STMND1: variants seen among roughly 807,000 people sequenced by gnomAD.
STMND1 encodes the protein stathmin domain-containing protein 1.
Under a neutral mutation model 23.0 loss-of-function variants are expected in STMND1, and 17 were observed. That is an observed-to-expected ratio of 0.74 (90% CI 0.51 to 1.11). The LOEUF (loss-of-function observed/expected upper bound fraction) is 1.11. Among genes scored for constraint, STMND1 ranks in the 50% least tolerant of loss-of-function variants. The pLI is 0.00. For missense variants in STMND1, 305 were observed against 329.1 expected, an observed-to-expected ratio of 0.93 and a Z score of 0.57; for synonymous variants, 114 against 119.9, an observed-to-expected ratio of 0.95 and a Z score of 0.32.
chr6:17,123,068 A>G (rs1013703021), intron 3 of STMND1, among the ~76,000 whole-genome samples: 3 of 152,238 alleles, frequency 2.0e-5, no homozygotes, highest in Non-Finnish European at 2.9e-5. Context: ...TTCGATGTCT[A>G]CATACATACA....
At chr6:17,128,876 C>A (rs1761345470) in intron 3 of STMND1, 1 of 344,534 alleles carries the variant, frequency 2.9e-6, no homozygotes, top group Non-Finnish European at 5.5e-6. Context: ...CCATGCCTGG[C>A]TAATTTTTTG....
intron 3 of STMND1, among the ~76,000 whole-genome samples, chr6:17,124,629 C>T (rs1451013648): frequency 6.6e-6 from 1 of 152,142 alleles, no homozygotes; most frequent in Non-Finnish European, 1.5e-5. Flanking sequence ...TGGTGAATAC[C>T]ACAGTAATTC....
In STMND1 at chr6:17,120,745, C is replaced by A; in HGVS notation, c.398C>A (p.Ser133Ter). Residue 133 changes from serine (S) to a stop codon, truncating the protein, a stop_gained, in exon 3 of 5, where the codon TCA (serine) becomes TAA (stop). Transcript: ENST00000536551. LOFTEE classifies it high-confidence loss of function. The stretch of plus-strand genomic sequence containing the variant: ...AGCAAAGTATTTAGAAATGGAGAAT[C>A]ATATGATGTCACGGCAAGTAATTTT... ...SHSKVFRNGE[S>*]YDVTLTTTEK... is the part of the protein sequence containing the mutation. 6.6e-7 allele frequency: 1 copy of A among 1,526,410 alleles called. No homozygotes were observed. Among genetic ancestry groups the A allele is most frequent in the South Asian group, 1.2e-5 (1 of 82,592 alleles). The allele number at this position is 1,526,410 out of a possible 1,614,324, so 94.6% of individuals were successfully genotyped here.
At chr6:17,130,083 G>A (rs1761367510) in intron 4 of STMND1, among the ~76,000 whole-genome samples, 2 of 152,254 alleles carry the variant, frequency 1.3e-5, no homozygotes, top group South Asian at 4.1e-4. Context: ...AAGGAATAAA[G>A]CAGGTTGGGT....
At chr6:17,118,314 G>A (rs991427961) in intron 2 of STMND1, among the ~76,000 whole-genome samples, 2 of 152,068 alleles carry the variant, frequency 1.3e-5, no homozygotes, top group African/African-American at 4.8e-5. Context: ...TGTTCAGTAT[G>A]ATGTCAAACT....
intron 3 of STMND1, 84 bp downstream of exon 3, chr6:17,120,842 A>T (rs1761223178): frequency 8.7e-7 from 1 of 1,152,380 alleles, no homozygotes; most frequent in African/African-American, 1.6e-5. Context: ...TTTCCAGCAT[A>T]TGCAAGTTAC....
intron 2 of STMND1, among the ~76,000 whole-genome samples, chr6:17,116,000 A>G (rs1284231603): frequency 6.6e-6 from 1 of 151,424 alleles, no homozygotes; most frequent in Admixed American, 6.6e-5. Flanking sequence ...ACAGGAATGG[A>G]CTCTCCCTCC....
At chr6:17,115,281 A>AAAC in intron 2 of STMND1, 142 bp downstream of exon 2, 1 of 765,870 alleles carries the variant, frequency 1.3e-6, no homozygotes. Context: ...TTTGTCTCTG[A>AAAC]AACATTAGAA....
chr6:17,115,276 C>T, intron 2 of STMND1, 137 bp downstream of exon 2: 1 of 764,652 alleles, frequency 1.3e-6, no homozygotes, highest in Non-Finnish European at 1.9e-6. Context: ...GTGTTTTTGT[C>T]TCTGAAACAT....
intron 2 of STMND1, among the ~76,000 whole-genome samples, chr6:17,120,383 G>A (rs1305462180): frequency 6.6e-6 from 1 of 152,160 alleles, no homozygotes; most frequent in African/African-American, 2.4e-5. Flanking sequence ...CTTAATATGT[G>A]ATCTGCTAAG....
At chr6:17,124,640 C>T (rs1021163759) in intron 3 of STMND1, among the ~76,000 whole-genome samples, 2 of 152,146 alleles carry the variant, frequency 1.3e-5, no homozygotes, top group African/African-American at 4.8e-5. Context: ...ACAGTAATTC[C>T]ATAGTACTCT....
chr6:17,102,143 G>T lies in STMND1; in HGVS notation c.-115G>T. ...GGGTGGCGCCCGAGCGCAGTAGCAGGGGCGTAGGGCGCAGGGCGCAGGAGC... is the reference window on the plus strand; with the variant it reads ...GGGTGGCGCCCGAGCGCAGTAGCAGTGGCGTAGGGCGCAGGGCGCAGGAGC... On this transcript the variant is annotated 5_prime_UTR_variant, in exon 1 of 5. Transcript: ENST00000536551. 1 of 1,053,804 alleles carries T rather than the reference G, an allele frequency of 9.5e-7. No homozygotes were observed. Among genetic ancestry groups the T allele is most frequent in the Non-Finnish European group, 1.3e-6 (1 of 796,628 alleles). 65.3% of individuals were successfully genotyped at this position (1,053,804 alleles called of 1,614,324 possible). A position where few individuals can be genotyped will look rare whatever the true frequency, so the allele number is the denominator to read the frequency against.
Position 17,130,997 on chromosome 6 carries a change from C to T in STMND1, c.*116C>T. On this transcript the variant is annotated 3_prime_UTR_variant, in exon 5 of 5. Transcript: ENST00000536551. ...ATTCCACTGGGATTTCTGCCTTGGG[C>T]TTAAGGATGATTGTGTGGGCTGCAC... The T allele has an allele frequency of 4.9e-6, 5 of 1,014,612 alleles. No individual in the cohort carries two copies. Among genetic ancestry groups the T allele is most frequent in the Non-Finnish European group, 7.0e-6 (5 of 717,182 alleles). 62.9% of individuals were successfully genotyped at this position (1,014,612 alleles called of 1,614,324 possible).
At chr6:17,103,721 G>C (rs546675846) in intron 1 of STMND1, among the ~76,000 whole-genome samples, 2 of 151,852 alleles carry the variant, frequency 1.3e-5, no homozygotes, top group Admixed American at 6.6e-5. Flanking sequence ...ACAGGCGTGC[G>C]CCACCACGCC....
intron 2 of STMND1, 115 bp from the exon 3 acceptor site, chr6:17,120,492 T>C (rs996751707): frequency 9.6e-6 from 7 of 729,564 alleles, no homozygotes; most frequent in Non-Finnish European, 1.5e-5. Flanking sequence ...TATTAAGTGT[T>C]GAAACTAAGA....
At chr6:17,108,649 G>C (rs77783986) in intron 1 of STMND1, among the ~76,000 whole-genome samples, 4,485 of 151,858 alleles carry the variant, frequency 0.03, 92 homozygotes, top group Non-Finnish European at 0.044. Context: ...CCTTTAGCAT[G>C]AACTGTGAGC....
chr6:17,112,863 A>C (rs1980738), intron 1 of STMND1, among the ~76,000 whole-genome samples: 1 of 152,274 alleles, frequency 6.6e-6, no homozygotes, highest in Admixed American at 6.5e-5. Flanking sequence ...TTTTCTAAAG[A>C]GCTGCACCAT....
At chr6:17,119,738 G>A (rs1434848547) in intron 2 of STMND1, among the ~76,000 whole-genome samples, 1 of 151,684 alleles carries the variant, frequency 6.6e-6, no homozygotes, top group African/African-American at 2.4e-5. Context: ...ATGGGAAGAT[G>A]CCATCCATTA....
intron 1 of STMND1, 23 bp downstream of exon 1, chr6:17,102,361 AACAAACAAACAG>A: frequency 6.5e-7 from 1 of 1,532,856 alleles, no homozygotes; most frequent in Non-Finnish European, 8.7e-7. Flanking sequence ...CAAACAAACA[AACAAACAAACAG>A]ACAGAAAGCC....
Sources: allele counts gnomAD v4.1 joint callset (sites outside exome capture counted in the v4.1 genomes callset), GRCh38; gene constraint gnomAD v4.1.1; transcripts MANE v1.5; gene names NCBI Gene and HGNC (gene_info 2026-07-23, HGNC 2026-07-21).